The following STIM1 variants were observed in gnomAD, a reference collection of about 807,000 sequenced individuals.
STIM1 encodes the protein stromal interaction molecule 1.
In STIM1, 25 loss-of-function variants were observed where a neutral mutation model predicts 74.7. That is an observed-to-expected ratio of 0.33 (90% CI 0.24 to 0.47). STIM1 has a LOEUF of 0.47. STIM1 is among the 20% of genes least tolerant of loss of function. STIM1 has a pLI of 1.00. For missense variants in STIM1, 728 were observed against 920.8 expected (o/e 0.79, Z 2.71); for synonymous variants, 328 against 348.8 (o/e 0.94, Z 0.66).
chr11:3,902,435 G>T (rs149732868), intron 1 of STIM1, among the ~76,000 whole-genome samples: 4 of 152,176 alleles, frequency 2.6e-5, no homozygotes, highest in Non-Finnish European at 5.9e-5. Context: ...ACAGACCAGG[G>T]TGCGGGGTGG....
At chr11:4,020,739 G>A (rs1406003829) in intron 2 of STIM1, among the ~76,000 whole-genome samples, 2 of 151,848 alleles carry the variant, frequency 1.3e-5, no homozygotes. Flanking sequence ...TGGGACCACA[G>A]GCATAAACCA....
chr11:4,092,211 G>A lies in STIM1; in HGVS notation c.*413G>A, dbSNP rs115285995. On this transcript the variant is annotated 3_prime_UTR_variant, in exon 13 of 13. Coordinates refer to ENST00000526596, the MANE Select transcript of STIM1 (RefSeq NM_001382567.1). ...CCCCAACTTCCCCTAGCAGTTGCAG[G>A]GAAGATAGGACGAGTAGCTTCTGAC... 242 of 314,758 alleles carry A rather than the reference G, an allele frequency of 7.7e-4. No homozygotes were observed. Among genetic ancestry groups the A allele is most frequent in the African/African-American group, 4.6e-3 (213 of 46,776 alleles). 19.5% of individuals were successfully genotyped at this position (314,758 alleles called of 1,614,324 possible). A position where few individuals can be genotyped will look rare whatever the true frequency, so the allele number is the denominator to read the frequency against.
intron 1 of STIM1, among the ~76,000 whole-genome samples, chr11:3,898,254 C>T (rs2135419938): frequency 6.7e-6 from 1 of 148,676 alleles, no homozygotes; most frequent in South Asian, 2.2e-4. Context: ...TTGCATTTCT[C>T]TGATGGCCAG....
chr11:3,992,246 A>C (rs1426228668), intron 2 of STIM1, among the ~76,000 whole-genome samples: 1 of 143,426 alleles, frequency 7.0e-6, no homozygotes, highest in East Asian at 2.0e-4. Flanking sequence ...TGGTCTCTAC[A>C]AAAAAAAAAA....
chr11:3,967,756 C>T, intron 2 of STIM1, 74 bp downstream of exon 2: 1 of 1,599,394 alleles, frequency 6.3e-7, no homozygotes, highest in Non-Finnish European at 8.6e-7. Flanking sequence ...CTTAGACAGC[C>T]TCTTCCCTGG....
At chr11:3,895,618 C>A (rs200531290) in intron 1 of STIM1, among the ~76,000 whole-genome samples, 2 of 2,552 alleles carry the variant, frequency 7.8e-4, no homozygotes, top group Non-Finnish European at 1.9e-3. Context: ...CTCTTTCTTT[C>A]TTTCTTTCTT....
intron 2 of STIM1, among the ~76,000 whole-genome samples, chr11:4,012,677 C>A (rs1383100801): frequency 6.6e-6 from 1 of 152,166 alleles, no homozygotes. Flanking sequence ...CAAACAGGGA[C>A]AATTTGACTT....
chr11:4,010,195 G>A (rs1449295951), intron 2 of STIM1, among the ~76,000 whole-genome samples: 1 of 143,974 alleles, frequency 6.9e-6, no homozygotes, highest in Middle Eastern at 3.8e-3. Flanking sequence ...TTTTGAGACA[G>A]AGTCTGGCCT....
intron 1 of STIM1, among the ~76,000 whole-genome samples, chr11:3,882,181 C>T (rs778954301): frequency 2.0e-5 from 3 of 148,318 alleles, no homozygotes; most frequent in Non-Finnish European, 4.4e-5. Flanking sequence ...CTCACCGCAA[C>T]CTCTGTCTCC....
At chr11:4,068,418 G>A (rs1185508878) in intron 5 of STIM1, among the ~76,000 whole-genome samples, 2 of 152,100 alleles carry the variant, frequency 1.3e-5, no homozygotes, top group Non-Finnish European at 2.9e-5. Context: ...GAAACCCTAG[G>A]AAACCAAGAT....
intron 1 of STIM1, among the ~76,000 whole-genome samples, chr11:3,925,877 AGGCCC>A (rs2092781979): frequency 6.6e-6 from 1 of 152,186 alleles, no homozygotes; most frequent in South Asian, 2.1e-4. Context: ...TTAATATATC[AGGCCC>A]GGTAAAGATT....
At chr11:3,896,004 A>G (rs568446747) in intron 1 of STIM1, among the ~76,000 whole-genome samples, 1 of 149,998 alleles carries the variant, frequency 6.7e-6, no homozygotes, top group African/African-American at 2.5e-5. Context: ...TCCCGGGTTC[A>G]CGCCATTCTC....
intron 10 of STIM1, chr11:4,083,767 C>G (rs2133228372): frequency 2.1e-6 from 1 of 480,092 alleles, no homozygotes; most frequent in African/African-American, 1.9e-5. Flanking sequence ...TTTATTGTCC[C>G]TAACTACCAC....
At chr11:4,062,985 A>C (rs1266765166) in intron 5 of STIM1, among the ~76,000 whole-genome samples, 1 of 152,224 alleles carries the variant, frequency 6.6e-6, no homozygotes, top group African/African-American at 2.4e-5. Context: ...AAACATGCCA[A>C]GTAAAAGAAG....
intron 1 of STIM1, among the ~76,000 whole-genome samples, chr11:3,934,218 CT>C (rs2092906649): frequency 7.6e-6 from 1 of 131,276 alleles, no homozygotes; most frequent in East Asian, 2.5e-4. Flanking sequence ...CTTTTCAGCA[CT>C]CTTTTTTTTT....
intron 1 of STIM1, among the ~76,000 whole-genome samples, chr11:3,903,177 A>C (rs555947839): frequency 6.6e-6 from 1 of 152,312 alleles, no homozygotes; most frequent in African/African-American, 2.4e-5. Flanking sequence ...AGAGAACTGA[A>C]ATAATTTGCC....
intron 5 of STIM1, among the ~76,000 whole-genome samples, chr11:4,060,181 G>A (rs963402745): frequency 5.3e-5 from 8 of 152,286 alleles, no homozygotes; most frequent in Non-Finnish European, 1.0e-4. Flanking sequence ...TGGTAGGAAC[G>A]GCCAGCCTGT....
In STIM1 at chr11:3,856,069, G is replaced by T. The variant is rs1314820629; in HGVS notation, c.-202G>T. The T allele has an allele frequency of 3.2e-6, 2 of 630,598 alleles. No individual in the cohort carries two copies. Among genetic ancestry groups the T allele is most frequent in the Admixed American group, 5.2e-5 (2 of 38,642 alleles). 39.1% of individuals were successfully genotyped at this position (630,598 alleles called of 1,614,324 possible). A position where few individuals can be genotyped will look rare whatever the true frequency, so the allele number is the denominator to read the frequency against. On this transcript the variant is annotated 5_prime_UTR_variant, in exon 1 of 13. Transcript: ENST00000526596. ...CGGCGGACCCACTGTTGGACCTGAG[G>T]AGCCAGCCCTCCTCCCGCACCCAAA...
At chr11:4,074,314 T>C (rs2094424280) in intron 6 of STIM1, among the ~76,000 whole-genome samples, 188 bp from the exon 7 acceptor site, 1 of 152,178 alleles carries the variant, frequency 6.6e-6, no homozygotes, top group Non-Finnish European at 1.5e-5. Context: ...ATGGTCAGTG[T>C]GTGAATTAGG....
Sources: gnomAD v4.1 joint callset for allele counts (sites outside exome capture counted in the v4.1 genomes callset) on GRCh38, gnomAD v4.1.1 for gene constraint, MANE v1.5 for transcripts, NCBI Gene and HGNC (gene_info 2026-07-23, HGNC 2026-07-21) for gene names.